CSMD2: variants seen among roughly 807,000 people sequenced by gnomAD.
CSMD2 encodes the protein CUB and sushi domain-containing protein 2.
Under a neutral mutation model 398.5 loss-of-function variants are expected in CSMD2, and 130 were observed. The ratio of observed to expected loss-of-function variants is 0.33; its 90% CI spans 0.28 to 0.38. The LOEUF is 0.38. CSMD2 is among the 10% of genes least tolerant of loss of function. CSMD2 has a pLI of 1.00. For synonymous variants in CSMD2, 1,828 were observed against 1,908.5 expected, an observed-to-expected ratio of 0.96 and a Z score of 1.10; for missense variants, 3,829 against 4,764.9, an observed-to-expected ratio of 0.80 and a Z score of 5.78.
intron 25 of CSMD2, among the ~76,000 whole-genome samples, chr1:33,670,165 T>A (rs1197702512): frequency 6.6e-6 from 1 of 152,170 alleles, no homozygotes; most frequent in East Asian, 1.9e-4. Context: ...GTCCTCCCCA[T>A]CCCCTCAGTC....
At chr1:33,639,008 C>CA (rs1642962232) in intron 29 of CSMD2, among the ~76,000 whole-genome samples, 1 of 152,222 alleles carries the variant, frequency 6.6e-6, no homozygotes, top group Non-Finnish European at 1.5e-5. Flanking sequence ...CAAATATCTT[C>CA]AGTGGATTAT....
At chr1:34,074,725 GACAC>G (rs60737142) in intron 2 of CSMD2, among the ~76,000 whole-genome samples, 85 of 151,232 alleles carry the variant, frequency 5.6e-4, no homozygotes, top group African/African-American at 9.9e-4. Context: ...AAATGAAGAA[GACAC>G]ACACACACAC....
At chr1:33,948,793 G>T (rs141063025) in intron 3 of CSMD2, among the ~76,000 whole-genome samples, 120 of 152,274 alleles carry the variant, frequency 7.9e-4, no homozygotes, top group African/African-American at 2.7e-3. Context: ...ACACAGTACA[G>T]AATGCAGGGA....
chr1:34,090,207 T>C (rs1434267075), intron 1 of CSMD2, among the ~76,000 whole-genome samples: 1 of 152,130 alleles, frequency 6.6e-6, no homozygotes, highest in African/African-American at 2.4e-5. Context: ...CAAATGGAGA[T>C]TCAGATCGAC....
chr1:33,876,481 G>T (rs1640849463), intron 5 of CSMD2, among the ~76,000 whole-genome samples: 1 of 152,294 alleles, frequency 6.6e-6, no homozygotes, highest in Non-Finnish European at 1.5e-5. Context: ...AAGAACTTAC[G>T]TACCACTTGG....
chr1:33,882,271 C>T (rs1411688961), intron 5 of CSMD2: 2 of 152,282 alleles, frequency 1.3e-5, no homozygotes, highest in Admixed American at 1.3e-4. Context: ...GGCAGAACTT[C>T]AGTGGGGAGA....
chr1:34,013,408 C>A (rs564919394), intron 3 of CSMD2, among the ~76,000 whole-genome samples: 1 of 152,160 alleles, frequency 6.6e-6, no homozygotes, highest in Admixed American at 6.5e-5. Context: ...CTCTCAGGAC[C>A]GCGGGGTAGA....
At chr1:34,076,920 A>T (rs1656403006) in intron 2 of CSMD2, among the ~76,000 whole-genome samples, 1 of 108,118 alleles carries the variant, frequency 9.2e-6, no homozygotes, top group South Asian at 3.3e-4. Flanking sequence ...AAAAAAAAAA[A>T]AAAAAAAAAT....
intron 25 of CSMD2, among the ~76,000 whole-genome samples, chr1:33,665,460 C>CTTTTTT (rs745495781): frequency 5.4e-5 from 4 of 73,914 alleles, no homozygotes; most frequent in South Asian, 4.8e-4. Context: ...TTTCTTCTCT[C>CTTTTTT]TTTTTTTTTT....
chr1:34,129,155 C>T (rs1345135137), intron 1 of CSMD2, among the ~76,000 whole-genome samples: 1 of 152,194 alleles, frequency 6.6e-6, no homozygotes, highest in African/African-American at 2.4e-5. Flanking sequence ...GGTATCAGTG[C>T]CCTTCTGGAA....
chr1:33,624,918 C>A lies in CSMD2; in HGVS notation c.5500+133G>T, dbSNP rs1642009400. 4 of 981,728 alleles carry A rather than the reference C, an allele frequency of 4.1e-6. No individual in the cohort carries two copies. Among genetic ancestry groups the A allele is most frequent in the Non-Finnish European group, 3.1e-6 (2 of 646,788 alleles). 60.8% of individuals were successfully genotyped at this position (981,728 alleles called of 1,614,324 possible). ...CCGGGGACTGGGGTTGACTGGGACA[C>A]CCCACCTCAGCCATGCGGTGGGAAG... On this transcript the variant is annotated intron_variant, in intron 34 of 70. Coordinates refer to ENST00000373381, the MANE Select transcript of CSMD2 (RefSeq NM_001281956.2). The surrounding 1 kb of genome is among the most constrained non-coding windows in gnomAD (Gnocchi z 4.7).
Position 33,533,843 on chromosome 1 carries a change from G to A in CSMD2, c.9944C>T (p.Thr3315Ile), listed in dbSNP as rs147051441. The A allele has an allele frequency of 2.5e-6, 4 of 1,614,018 alleles. No homozygotes were observed. The highest frequency in any genetic ancestry group is 2.5e-6 in the Non-Finnish European group (3 of 1,180,002). Reference protein sequence around the residue: ...GYLLQGSTTRTCLPNLTWSGT... With the variant: ...GYLLQGSTTRICLPNLTWSGT... ...ACTCCAGGTCAGGTTTGGGAGGCAG[G>A]TCCTGGTGGTGGAGCCCTGAAGCAG... The change falls in exon 63 of 71, where the codon ACC (threonine) becomes ATC (isoleucine). Residue 3315 changes from threonine (T) to isoleucine (I), a missense_variant. Around this residue, in one of 5 missense-constraint regions of CSMD2, gnomAD observed 917 missense variants for 1,199.5 expected, o/e 0.76. Coordinates refer to ENST00000373381, the MANE Select transcript of CSMD2 (RefSeq NM_001281956.2). This position sits in a 1 kb window ranked among gnomAD's most constrained non-coding sequence, Gnocchi z 4.2.
intron 3 of CSMD2, among the ~76,000 whole-genome samples, chr1:33,976,296 G>T (rs1014501795): frequency 2.0e-5 from 3 of 152,206 alleles, no homozygotes; most frequent in Non-Finnish European, 4.4e-5. Context: ...GGTAAAATGG[G>T]TTTAAACAAA....
intron 22 of CSMD2, among the ~76,000 whole-genome samples, chr1:33,707,001 C>T (rs183896540): frequency 6.6e-6 from 1 of 152,232 alleles, no homozygotes; most frequent in East Asian, 1.9e-4. Flanking sequence ...CCTTTCTTAC[C>T]CTGACCACCT....
chr1:33,645,655 A>G (rs1643385427), intron 29 of CSMD2, among the ~76,000 whole-genome samples: 1 of 152,206 alleles, frequency 6.6e-6, no homozygotes, highest in African/African-American at 2.4e-5. Context: ...TGATACTTGA[A>G]CATTACAGAA....
intron 12 of CSMD2, among the ~76,000 whole-genome samples, chr1:33,776,717 C>CA (rs1362944489): frequency 6.6e-6 from 1 of 151,796 alleles, no homozygotes; most frequent in Non-Finnish European, 1.5e-5. Flanking sequence ...AAATGGAAGA[C>CA]AACGGGGCAA....
intron 1 of CSMD2, among the ~76,000 whole-genome samples, chr1:34,129,456 CCTGG>C (rs1377874522): frequency 1.3e-5 from 2 of 152,052 alleles, no homozygotes; most frequent in African/African-American, 4.8e-5. Context: ...TCGTGACCAT[CCTGG>C]CTAACACGGT....
At chr1:33,972,241 C>T (rs1056485713) in intron 3 of CSMD2, among the ~76,000 whole-genome samples, 1 of 152,136 alleles carries the variant, frequency 6.6e-6, no homozygotes, top group African/African-American at 2.4e-5. Context: ...TAAGCCAGGT[C>T]CCTGTGATAC....
chr1:33,628,131 A>G (rs527821846), intron 32 of CSMD2, among the ~76,000 whole-genome samples: 9 of 152,338 alleles, frequency 5.9e-5, no homozygotes, highest in African/African-American at 1.9e-4. Flanking sequence ...TCAGAGGAAG[A>G]AGGATCTGAG....
Sources: gnomAD v4.1 joint callset for allele counts (sites outside exome capture counted in the v4.1 genomes callset) on GRCh38, gnomAD v4.1.1 for gene constraint, gnomAD v4.1.1 regional missense constraint, Gnocchi (gnomAD v3.1) non-coding constraint, MANE v1.5 for transcripts, NCBI Gene and HGNC (gene_info 2026-07-23, HGNC 2026-07-21) for gene names.